C6: variants seen among roughly 807,000 people sequenced by gnomAD.
The protein encoded by C6 is complement component C6.
C6 carries 101 observed loss-of-function variants against 112.9 expected under a neutral mutation model. That is an observed-to-expected ratio of 0.89 (90% CI 0.76 to 1.06). The LOEUF (loss-of-function observed/expected upper bound fraction) is 1.06. Among genes scored for constraint, C6 ranks in the 50% least tolerant of loss-of-function variants. The probability of loss-of-function intolerance (pLI) is 0.00; values close to 1 mark genes in which losing one functional copy is unlikely to be tolerated. For synonymous variants in C6, 431 were observed against 384.1 expected, an observed-to-expected ratio of 1.12 and a Z score of -1.43; for missense variants, 1,202 against 1,104.6, an observed-to-expected ratio of 1.09 and a Z score of -1.25.
At chr5:41,258,690 T>G (rs1256451403) in intron 1 of C6, among the ~76,000 whole-genome samples, 3 of 152,326 alleles carry the variant, frequency 2.0e-5, no homozygotes, top group Middle Eastern at 3.4e-3. Flanking sequence ...AAGAAATACC[T>G]GAGACTGGGT....
intron 13 of C6, among the ~76,000 whole-genome samples, chr5:41,156,403 C>T (rs1746914830): frequency 6.6e-6 from 1 of 152,192 alleles, no homozygotes; most frequent in African/African-American, 2.4e-5. Flanking sequence ...CAGCCCCACC[C>T]CTGATCCTTT....
At chr5:41,177,614 C>T (rs752686495) in intron 7 of C6, among the ~76,000 whole-genome samples, 4 of 151,988 alleles carry the variant, frequency 2.6e-5, no homozygotes, top group Non-Finnish European at 5.9e-5. Flanking sequence ...AATTATTAAC[C>T]GTATTCCTCT....
At chr5:41,215,965 C>A (rs1212149168), upstream of C6, among the ~76,000 whole-genome samples, 2 of 151,934 alleles carry the variant, frequency 1.3e-5, no homozygotes, top group Non-Finnish European at 2.9e-5. Flanking sequence ...GGCTAATGAC[C>A]CCATCTATTT....
intron 1 of C6, among the ~76,000 whole-genome samples, chr5:41,243,553 T>C (rs895711962): frequency 6.6e-6 from 1 of 152,222 alleles, no homozygotes; most frequent in Non-Finnish European, 1.5e-5. Flanking sequence ...ATTTATAAAG[T>C]TTCTTTGGGA....
intron 4 of C6, among the ~76,000 whole-genome samples, chr5:41,197,617 G>A (rs1373668023): frequency 6.6e-6 from 1 of 152,172 alleles, no homozygotes; most frequent in Non-Finnish European, 1.5e-5. Flanking sequence ...AGCTTTGTGA[G>A]CAGAGTACCA....
At position 41,175,346 on chromosome 5, in the gene C6, C is replaced by A. The variant is rs1005177909; in HGVS notation, c.1168+1129G>T. ...TGGACACACTGTCAATACATGCATA[C>A]AGTGTATGTGTGTGTATGTATGTAC... is the stretch of plus-strand genomic sequence containing the variant. On this transcript the variant is annotated intron_variant, in intron 8 of 17. Transcript: ENST00000337836. Among the ~76,000 whole-genome samples the A allele has an allele frequency of 3.3e-5, 5 of 151,964 alleles. No individual in the cohort carries two copies. The South Asian group carries it at 1.0e-3, about 31-fold the overall frequency.
At chr5:41,261,208 T>G in exon 1 of C6, 6 of 985,798 alleles carry the variant, frequency 6.1e-6, no homozygotes, top group Non-Finnish European at 6.0e-6. Context: ...CATCTATGAC[T>G]TGAAGAAATA....
chr5:41,201,046 C>A (rs1347059297), intron 3 of C6, among the ~76,000 whole-genome samples: 1 of 151,618 alleles, frequency 6.6e-6, no homozygotes, highest in African/African-American at 2.4e-5. Context: ...ATAAATTTGT[C>A]TCATGAACAA....
chr5:41,222,091 G>A (rs923598555), intron 1 of C6, among the ~76,000 whole-genome samples: 39 of 151,406 alleles, frequency 2.6e-4, no homozygotes, highest in African/African-American at 6.5e-4. Flanking sequence ...GCTTGAACCC[G>A]GGAGGCAGAG....
Position 41,161,749 on chromosome 5 carries a change from T to A in C6, c.1402A>T (p.Thr468Ser). 6.2e-7 allele frequency: 1 copy of A among 1,613,704 alleles called. No homozygotes were observed. Among genetic ancestry groups the A allele is most frequent in the Non-Finnish European group, 8.5e-7 (1 of 1,179,708 alleles). ...ACTGATTCTAACCACTCAGAAAATG[T>A]CTTCTCCTCCAGACCAGAGCTCCCT... ...EKGSSGLEEK[T>S]FSEWLESVKE... Residue 468 changes from threonine to serine, a missense_variant, in exon 10 of 18, where the codon ACA (threonine) becomes TCA (serine). Thr to Ser is a moderately conservative substitution (Grantham distance 58). Coordinates refer to ENST00000337836, the MANE Select transcript of C6 (RefSeq NM_000065.5).
intron 15 of C6, among the ~76,000 whole-genome samples, chr5:41,150,510 T>C (rs1022407978): frequency 6.6e-6 from 1 of 152,110 alleles, no homozygotes; most frequent in African/African-American, 2.4e-5. Context: ...AAAAAATTGA[T>C]GTAGCTAGAA....
chr5:41,252,773 A>C (rs948843594), intron 1 of C6, among the ~76,000 whole-genome samples: 8 of 152,186 alleles, frequency 5.3e-5, no homozygotes, highest in African/African-American at 1.7e-4. Context: ...CTTCATCTAC[A>C]TAACAAGAAC....
rs183644629 is a variant in C6, at chr5:41,224,687, T to C, written c.-20-21437A>G. On this transcript the variant is annotated intron_variant, in intron 1 of 17. Coordinates refer to the C6 transcript ENST00000263413. ...TTGTGTTATTTCCTCTGTTTGGCTA[T>C]TATGAATAATGCTGCTGGGAACATT... 5.9e-5 allele frequency among the ~76,000 whole-genome samples: 9 copies of C among 152,300 alleles called. No individual in the cohort carries two copies. The East Asian group carries it at 1.5e-3, about 26-fold the overall frequency.
chr5:41,145,807 C>T (rs1745767525), intron 17 of C6, among the ~76,000 whole-genome samples: 1 of 152,120 alleles, frequency 6.6e-6, no homozygotes, highest in Non-Finnish European at 1.5e-5. Flanking sequence ...ACTATTCCAC[C>T]TCTGGTTAGG....
chr5:41,242,194 C>T (rs948786828), intron 1 of C6, among the ~76,000 whole-genome samples: 6 of 152,140 alleles, frequency 3.9e-5, no homozygotes, highest in African/African-American at 1.4e-4. Context: ...CCATAATCCC[C>T]ATGTGTCAAG....
rs117289887 is a variant in C6, at chr5:41,230,846, T to A, written c.-20-27596A>T. On this transcript the variant is annotated intron_variant, in intron 1 of 17. Coordinates refer to the C6 transcript ENST00000263413. The stretch of plus-strand genomic sequence containing the variant: ...TATGCTTTCTCTTTATTTCTCAGAC[T>A]GGCTGACACTTAGAGAAAATAGAAA... 1.6e-3 allele frequency among the ~76,000 whole-genome samples: 240 copies of A among 152,290 alleles called. 14 individuals carry two copies. The East Asian group carries it at 0.044, about 28-fold the overall frequency.
At chr5:41,170,458 A>G (rs144383575) in intron 9 of C6, among the ~76,000 whole-genome samples, 168 of 151,902 alleles carry the variant, frequency 1.1e-3, no homozygotes, top group African/African-American at 3.9e-3. Flanking sequence ...GATTTATTGA[A>G]CTCATATTCT....
At chr5:41,201,817 A>T (rs1426379318) in intron 2 of C6, 103 bp from the exon 3 acceptor site, 5 of 1,134,422 alleles carry the variant, frequency 4.4e-6, no homozygotes, top group Non-Finnish European at 6.6e-6. Context: ...AATAGAAAAG[A>T]AAGAAAATTT....
At chr5:41,172,728 G>T in intron 8 of C6, 1 of 311,904 alleles carries the variant, frequency 3.2e-6, no homozygotes, top group Non-Finnish European at 6.2e-6. Context: ...GCACTGTGTA[G>T]CCCTGCAAAT....
Sources: allele counts gnomAD v4.1 joint callset (sites outside exome capture counted in the v4.1 genomes callset), GRCh38; gene constraint gnomAD v4.1.1; transcripts MANE v1.5; gene names NCBI Gene and HGNC (gene_info 2026-07-23, HGNC 2026-07-21).